The following SYT1 variants were observed in gnomAD, a reference collection of about 807,000 sequenced individuals.
SYT1 encodes synaptotagmin 1.
In SYT1, 8 loss-of-function variants were observed where a neutral mutation model predicts 44.8. That is an observed-to-expected ratio of 0.18 (90% confidence interval 0.10 to 0.32). SYT1 has a LOEUF of 0.32. SYT1 is among the 10% of genes least tolerant of loss of function. The pLI is 1.00. For missense variants in SYT1, 286 were observed against 509.3 expected, an observed-to-expected ratio of 0.56 and a Z score of 4.22; for synonymous variants, 154 against 188.8, an observed-to-expected ratio of 0.82 and a Z score of 1.51.
intron 4 of SYT1, among the ~76,000 whole-genome samples, chr12:79,251,138 A>G (rs1206025523): frequency 5.3e-5 from 8 of 152,194 alleles, no homozygotes; most frequent in African/African-American, 1.7e-4. Context: ...GACTTGGGTC[A>G]TGTACTCAGC....
chr12:79,022,458 C>T (rs1872256342), intron 2 of SYT1, among the ~76,000 whole-genome samples: 1 of 151,770 alleles, frequency 6.6e-6, no homozygotes, highest in African/African-American at 2.4e-5. Flanking sequence ...CATTCTCTAA[C>T]AATTGTACAC....
chr12:79,434,146 C>T (rs2136184545), intron 9 of SYT1, among the ~76,000 whole-genome samples: 1 of 152,256 alleles, frequency 6.6e-6, no homozygotes, highest in East Asian at 1.9e-4. Flanking sequence ...TCCTCTGCCA[C>T]CATTAATGAA....
At chr12:79,059,233 T>C (rs1875193387) in intron 3 of SYT1, among the ~76,000 whole-genome samples, 1 of 151,970 alleles carries the variant, frequency 6.6e-6, no homozygotes, top group South Asian at 2.1e-4. Context: ...CCATTGGGTC[T>C]CTCCCACAAC....
At position 79,296,030 on chromosome 12, in the gene SYT1, C is replaced by T. The variant is rs1380320667; in HGVS notation, c.475-39C>T. On this transcript the variant is annotated intron_variant, in intron 6 of 10. Transcript: ENST00000261205. ...AAATCGATCTTTTCCAAAATGTCCACTGATATTTATGTATGCTGTATTCTG... is the reference window on the plus strand; with the variant it reads ...AAATCGATCTTTTCCAAAATGTCCATTGATATTTATGTATGCTGTATTCTG... The T allele has an allele frequency of 1.9e-6, 3 of 1,562,776 alleles. No individual in the cohort carries two copies. The South Asian group carries it at 3.6e-5, about 19-fold the overall frequency.
At chr12:79,132,448 C>CAA (rs201209266) in intron 3 of SYT1, among the ~76,000 whole-genome samples, 16,153 of 113,948 alleles carry the variant, frequency 0.14, 969 homozygotes, top group Middle Eastern at 0.2. Context: ...GATTCCGTCT[C>CAA]AAAAAAAAAA....
At chr12:78,973,568 A>G (rs913986857) in intron 1 of SYT1, among the ~76,000 whole-genome samples, 11 of 152,176 alleles carry the variant, frequency 7.2e-5, no homozygotes, top group African/African-American at 2.7e-4. Flanking sequence ...ATATTGCAGT[A>G]TTAATCACAG....
intron 3 of SYT1, among the ~76,000 whole-genome samples, chr12:79,082,884 T>C (rs1403265793): frequency 6.6e-6 from 1 of 152,092 alleles, no homozygotes; most frequent in Non-Finnish European, 1.5e-5. Context: ...CCTTGCCAGG[T>C]GAACACGTCT....
At chr12:79,099,459 A>G (rs900063648) in intron 3 of SYT1, among the ~76,000 whole-genome samples, 1 of 152,178 alleles carries the variant, frequency 6.6e-6, no homozygotes, top group Non-Finnish European at 1.5e-5. Context: ...CATAGTTGTA[A>G]GGCATCTGGT....
chr12:79,151,708 A>C (rs1870284349), intron 3 of SYT1, among the ~76,000 whole-genome samples: 1 of 152,170 alleles, frequency 6.6e-6, no homozygotes. Context: ...TAGGCTGTAG[A>C]ATCACCTTGA....
Position 79,182,764 on chromosome 12 carries a change from A to G in SYT1, c.-17-34739A>G, listed in dbSNP as rs1241566603. 2.0e-5 allele frequency among the ~76,000 whole-genome samples: 3 copies of G among 152,204 alleles called. No homozygotes were observed. The East Asian group carries it at 5.8e-4, about 29-fold the overall frequency. ...TTCTTTCAATCTGATAACCTAAAGCAAATTGCATAATATTAGTGTGTCTAA... is the reference window on the plus strand; with the variant it reads ...TTCTTTCAATCTGATAACCTAAAGCGAATTGCATAATATTAGTGTGTCTAA... On this transcript the variant is annotated intron_variant, in intron 3 of 10. Transcript: ENST00000261205.
chr12:79,389,368 A>T (rs1373767502), intron 9 of SYT1, among the ~76,000 whole-genome samples: 1 of 152,168 alleles, frequency 6.6e-6, no homozygotes. Context: ...TAAATTAAAT[A>T]ATACACCCAA....
rs1872122139 is a variant in SYT1, at chr12:79,179,008, A to ATATAGATATATC, written c.-17-38491_-17-38490insGATATATCTATA. Among the ~76,000 whole-genome samples, 5 of 17,024 alleles carry ATATAGATATATC rather than the reference A, an allele frequency of 2.9e-4. 1 individual carries two copies. Among genetic ancestry groups the ATATAGATATATC allele is most frequent in the Admixed American group, 8.2e-4 (1 of 1,222 alleles). The allele number at this position is 17,024 out of a possible 152,430, so 11.2% of individuals were successfully genotyped here. ...TATATCTATATAGATATAGATATAG[A>ATATAGATATATC]TATATAGATATAGATATAGATATAT... On this transcript the variant is annotated intron_variant, in intron 3 of 10. Transcript: ENST00000261205.
chr12:79,224,619 G>A lies in SYT1; in HGVS notation c.166+6934G>A, dbSNP rs115436681. ...TTGAATGTAGCAGAAGCCATGTCAT[G>A]TGGGGCCTTGTCAATTGTTCTAAAG... On this transcript the variant is annotated intron_variant, in intron 4 of 10. Transcript: ENST00000261205. Among the ~76,000 whole-genome samples, 355 of 152,170 alleles carry A rather than the reference G, an allele frequency of 2.3e-3. 1 individual carries two copies. Among genetic ancestry groups the A allele is most frequent in the African/African-American group, 8.0e-3 (333 of 41,546 alleles).
chr12:78,877,130 C>T (rs1874214537), intron 1 of SYT1, among the ~76,000 whole-genome samples: 1 of 149,588 alleles, frequency 6.7e-6, no homozygotes, highest in Admixed American at 6.8e-5. Flanking sequence ...AAAGACATAC[C>T]CGAGACTGGG....
At chr12:79,214,174 A>G (rs549575976) in intron 3 of SYT1, among the ~76,000 whole-genome samples, 1 of 152,318 alleles carries the variant, frequency 6.6e-6, no homozygotes, top group African/African-American at 2.4e-5. Context: ...AATTACCCAC[A>G]ACATTTTTGT....
At chr12:79,346,438 C>T (rs1882610717) in intron 8 of SYT1, among the ~76,000 whole-genome samples, 1 of 152,182 alleles carries the variant, frequency 6.6e-6, no homozygotes, top group Non-Finnish European at 1.5e-5. Context: ...ACTTTTCTAA[C>T]ACTAACTGGC....
chr12:79,086,271 T>C lies in SYT1; in HGVS notation c.-18+38909T>C, dbSNP rs143815953. On this transcript the variant is annotated intron_variant, in intron 3 of 10. Coordinates refer to ENST00000261205, the MANE Select transcript of SYT1 (RefSeq NM_005639.3). ...CACAAGGGAGCTGTGTATAGGTATA[T>C]GTGTGTGTGTGAGCCTGTGACTAAT... 5.9e-3 allele frequency among the ~76,000 whole-genome samples: 895 copies of C among 152,032 alleles called. 10 individuals are homozygous for C. The highest frequency in any genetic ancestry group is 0.02 in the African/African-American group (848 of 41,494).
At chr12:79,154,185 T>C (rs769367139) in intron 3 of SYT1, among the ~76,000 whole-genome samples, 3 of 152,074 alleles carry the variant, frequency 2.0e-5, no homozygotes, top group Non-Finnish European at 4.4e-5. Flanking sequence ...TATTCACAGG[T>C]ATGTTAAAGA....
At chr12:79,310,731 G>A (rs867500401) in intron 8 of SYT1, among the ~76,000 whole-genome samples, 20 of 152,192 alleles carry the variant, frequency 1.3e-4, no homozygotes, top group South Asian at 2.1e-4. Flanking sequence ...GGTCCTTCAC[G>A]TCCCTCGTAA....
Sources: gnomAD v4.1 joint callset for allele counts (sites outside exome capture counted in the v4.1 genomes callset) on GRCh38, gnomAD v4.1.1 for gene constraint, MANE v1.5 for transcripts, NCBI Gene and HGNC (gene_info 2026-07-23, HGNC 2026-07-21) for gene names.